The following GRB14 variants were observed in gnomAD, a reference collection of about 807,000 sequenced individuals.
The protein encoded by GRB14 is growth factor receptor-bound protein 14.
In GRB14, 38 loss-of-function variants were observed where a neutral mutation model predicts 69.1. That is an observed-to-expected ratio of 0.55 (90% CI 0.42 to 0.72). The LOEUF (loss-of-function observed/expected upper bound fraction) is 0.72, where lower values mean the gene tolerates loss of function less well. GRB14 is among the 30% of genes least tolerant of loss of function. The pLI, the probability that GRB14 is intolerant of heterozygous loss-of-function variation, is 0.00. For synonymous variants in GRB14, 247 were observed against 241.3 expected (o/e 1.02, Z -0.22); for missense variants, 666 against 666.1 (o/e 1.00, Z 0.00).
intron 2 of GRB14, among the ~76,000 whole-genome samples, chr2:164,596,068 G>T (rs1362228515): frequency 2.0e-5 from 3 of 152,130 alleles, no homozygotes; most frequent in Non-Finnish European, 4.4e-5. Context: ...AGGTTGCAGC[G>T]AACCGAGATT....
intron 3 of GRB14, among the ~76,000 whole-genome samples, chr2:164,543,184 C>T (rs1420973359): frequency 1.3e-5 from 2 of 151,850 alleles, no homozygotes; most frequent in Admixed American, 6.6e-5. Context: ...GCCTGTAATC[C>T]CAGCTACTCT....
chr2:164,522,328 C>T (rs895199442), intron 5 of GRB14, among the ~76,000 whole-genome samples: 10 of 151,954 alleles, frequency 6.6e-5, no homozygotes, highest in Admixed American at 2.0e-4. Flanking sequence ...TTTCTATCTC[C>T]GTGTGTGTAT....
intron 2 of GRB14, among the ~76,000 whole-genome samples, chr2:164,574,809 T>C (rs1689214208): frequency 6.6e-6 from 1 of 151,666 alleles, no homozygotes; most frequent in Non-Finnish European, 1.5e-5. Context: ...CCAGGTGTGG[T>C]GGTGAGCACC....
At chr2:164,590,675 T>C (rs2105345432) in intron 2 of GRB14, among the ~76,000 whole-genome samples, 1 of 152,342 alleles carries the variant, frequency 6.6e-6, no homozygotes. Flanking sequence ...TAATCATGTC[T>C]CTTCCGCACT....
In GRB14 at chr2:164,497,083, G is replaced by A; in HGVS notation, c.1307C>T (p.Ser436Phe). ...AATTTTGTGGTGAAACCATGGCTGG[G>A]ACCGGTGGATAGCTAAAGAAATAGG... ...SSATNMAIHRSQPWFHHKISR... is the reference protein window; with the variant it reads ...SSATNMAIHRFQPWFHHKISR... The change falls in exon 12 of 14, where the codon TCC becomes TTC. Residue 436 changes from serine to phenylalanine, a missense_variant. Ser to Phe is a radical substitution (Grantham distance 155, BLOSUM62 -2). Coordinates refer to ENST00000263915, the MANE Select transcript of GRB14 (RefSeq NM_004490.3). 6 of 1,613,684 alleles carry A rather than the reference G, an allele frequency of 3.7e-6. No homozygotes were observed. Among genetic ancestry groups the A allele is most frequent in the Non-Finnish European group, 5.1e-6 (6 of 1,179,708 alleles).
intron 2 of GRB14, among the ~76,000 whole-genome samples, chr2:164,563,865 T>C (rs892110787): frequency 1.3e-5 from 2 of 152,182 alleles, no homozygotes; most frequent in African/African-American, 4.8e-5. Flanking sequence ...AGACAACTTT[T>C]GGAAACCAAA....
At chr2:164,602,181 G>T (rs926088503) in intron 2 of GRB14, among the ~76,000 whole-genome samples, 1 of 150,720 alleles carries the variant, frequency 6.6e-6, no homozygotes, top group Non-Finnish European at 1.5e-5. Flanking sequence ...GGAAGAGAAG[G>T]GAAGGGAAGG....
intron 6 of GRB14, among the ~76,000 whole-genome samples, chr2:164,514,922 G>A (rs1489149339): frequency 6.6e-6 from 1 of 152,134 alleles, no homozygotes; most frequent in Non-Finnish European, 1.5e-5. Context: ...GCTGCGTGAG[G>A]CCTGTAACTG....
At chr2:164,585,153 G>A (rs1574333955) in intron 2 of GRB14, among the ~76,000 whole-genome samples, 1 of 125,834 alleles carries the variant, frequency 7.9e-6, no homozygotes, top group African/African-American at 3.2e-5. Context: ...TTGCCATGTC[G>A]GCCAGGCTGG....
chr2:164,603,872 T>C (rs989801172), intron 2 of GRB14, among the ~76,000 whole-genome samples: 8 of 152,124 alleles, frequency 5.3e-5, no homozygotes, highest in African/African-American at 1.9e-4. Flanking sequence ...TGCAAAAAGA[T>C]AGCTATCAAT....
At chr2:164,510,161 A>T (rs1387684984) in intron 6 of GRB14, among the ~76,000 whole-genome samples, 3 of 152,232 alleles carry the variant, frequency 2.0e-5, no homozygotes, top group Non-Finnish European at 4.4e-5. Context: ...TTCTAGTAAG[A>T]TGGAATAAAA....
At chr2:164,532,636 C>T (rs1687976741) in intron 3 of GRB14, among the ~76,000 whole-genome samples, 1 of 152,130 alleles carries the variant, frequency 6.6e-6, no homozygotes, top group South Asian at 2.1e-4. Context: ...CAAGTGAAAT[C>T]ATCACAAGCC....
intron 2 of GRB14, among the ~76,000 whole-genome samples, chr2:164,610,509 A>C (rs1325264892): frequency 2.6e-5 from 4 of 152,124 alleles, no homozygotes; most frequent in Non-Finnish European, 5.9e-5. Flanking sequence ...ATTCAATTTT[A>C]TTTTTGCATT....
chr2:164,600,136 A>G (rs1689878821), intron 2 of GRB14, among the ~76,000 whole-genome samples: 1 of 152,172 alleles, frequency 6.6e-6, no homozygotes. Context: ...CCTCTGCTGT[A>G]TGGATTTGGA....
chr2:164,571,222 C>T (rs1293791186), intron 2 of GRB14, among the ~76,000 whole-genome samples: 1 of 152,130 alleles, frequency 6.6e-6, no homozygotes, highest in Admixed American at 6.5e-5. Context: ...AATGACTTTG[C>T]CACTCACTAA....
chr2:164,498,256 A>AG (rs1380454763), intron 9 of GRB14, among the ~76,000 whole-genome samples: 4 of 152,206 alleles, frequency 2.6e-5, no homozygotes, highest in Non-Finnish European at 2.9e-5. Context: ...AACTGATAGA[A>AG]GGCAACTTTA....
chr2:164,558,211 G>GT (rs1412238327), intron 2 of GRB14, among the ~76,000 whole-genome samples: 1 of 152,140 alleles, frequency 6.6e-6, no homozygotes, highest in Non-Finnish European at 1.5e-5. Context: ...GCCATGAAGA[G>GT]TACTCATTCT....
intron 3 of GRB14, among the ~76,000 whole-genome samples, chr2:164,542,730 T>TA (rs1022746190): frequency 7.3e-5 from 11 of 151,450 alleles, no homozygotes; most frequent in East Asian, 3.9e-4. Flanking sequence ...TCATCAAAAG[T>TA]AAAAAAAACA....
chr2:164,611,940 G>A lies in GRB14; in HGVS notation c.324+7747C>T, dbSNP rs74853812. Among the ~76,000 whole-genome samples the A allele has an allele frequency of 6.2e-4, 95 of 152,212 alleles. 4 individuals carry two copies. The East Asian group carries it at 0.018, about 29-fold the overall frequency. On this transcript the variant is annotated intron_variant, in intron 2 of 13. Transcript: ENST00000263915. ...CACGACTCCTGTATCTGCTGCACAG[G>A]AGCCATTACTGCTTCTGGAGCCATC... is the stretch of plus-strand genomic sequence containing the variant.
Sources: allele counts gnomAD v4.1 joint callset (sites outside exome capture counted in the v4.1 genomes callset), GRCh38; gene constraint gnomAD v4.1.1; transcripts MANE v1.5; gene names NCBI Gene and HGNC (gene_info 2026-07-23, HGNC 2026-07-21).